CADM2: variants seen among roughly 807,000 people sequenced by gnomAD.
The protein encoded by CADM2 is immunoglobulin superfamily member 4D.
Under a neutral mutation model 49.8 loss-of-function variants are expected in CADM2, and 12 were observed. That is an observed-to-expected ratio of 0.24 (90% CI 0.15 to 0.39). The LOEUF (loss-of-function observed/expected upper bound fraction) is 0.39, where lower values mean the gene tolerates loss of function less well. CADM2 is among the 10% of genes least tolerant of loss of function. CADM2 has a pLI of 1.00. For missense variants in CADM2, 378 were observed against 492.3 expected (o/e 0.77, Z 2.20); for synonymous variants, 214 against 175.4 (o/e 1.22, Z -1.74).
intron 3 of CADM2, among the ~76,000 whole-genome samples, chr3:85,820,135 G>A (rs11127908): frequency 6.6e-6 from 1 of 151,800 alleles, no homozygotes; most frequent in East Asian, 2.0e-4. Flanking sequence ...CTCAGCCAGC[G>A]TGAGCAGACC....
chr3:85,898,411 C>A (rs1302596260), intron 5 of CADM2, among the ~76,000 whole-genome samples: 1 of 151,998 alleles, frequency 6.6e-6, no homozygotes, highest in African/African-American at 2.4e-5. Context: ...TTATTATCCC[C>A]AAAAGTTTAT....
At chr3:85,066,432 C>T (rs1282391849) in intron 1 of CADM2, among the ~76,000 whole-genome samples, 1 of 151,750 alleles carries the variant, frequency 6.6e-6, no homozygotes, top group Admixed American at 6.6e-5. Context: ...TATTCGGGAA[C>T]TATTGGGGGT....
At chr3:85,043,695 T>G (rs2107373927) in intron 1 of CADM2, among the ~76,000 whole-genome samples, 1 of 151,902 alleles carries the variant, frequency 6.6e-6, no homozygotes, top group Non-Finnish European at 1.5e-5. Flanking sequence ...AATAAATAAA[T>G]AAAAGGTCTG....
At chr3:85,569,561 C>T (rs375045115) in intron 1 of CADM2, among the ~76,000 whole-genome samples, 1 of 151,998 alleles carries the variant, frequency 6.6e-6, no homozygotes, top group Non-Finnish European at 1.5e-5. Context: ...GACCCTGTCC[C>T]CACATCTTTG....
In CADM2 at chr3:85,515,585, A is replaced by G. The variant is rs570227069; in HGVS notation, c.62-210937A>G. Among the ~76,000 whole-genome samples the G allele has an allele frequency of 1.2e-4, 17 of 142,356 alleles. 1 individual carries two copies. The East Asian group carries it at 2.0e-3, about 17-fold the overall frequency. The allele number at this position is 142,356 out of a possible 152,430, so 93.4% of individuals were successfully genotyped here. A position where few individuals can be genotyped will look rare whatever the true frequency, so the allele number is the denominator to read the frequency against. On this transcript the variant is annotated intron_variant, in intron 1 of 9. Coordinates refer to ENST00000383699, the MANE Select transcript of CADM2 (RefSeq NM_001167675.2). ...TTACAGGAGAGTGCCACCACGCCCT[A>G]CAGGAGAGTGCCACCACGCCCACTA... is the stretch of plus-strand genomic sequence containing the variant.
chr3:84,988,733 G>A (rs1385309741), intron 1 of CADM2, among the ~76,000 whole-genome samples: 1 of 151,914 alleles, frequency 6.6e-6, no homozygotes, highest in Non-Finnish European at 1.5e-5. Context: ...CAGCATGTTA[G>A]TATGCTTTAA....
intron 1 of CADM2, among the ~76,000 whole-genome samples, chr3:85,398,792 C>A (rs1222965544): frequency 6.6e-6 from 1 of 152,196 alleles, no homozygotes; most frequent in East Asian, 1.9e-4. Context: ...CTGTTGGCTG[C>A]ATAAATGTCT....
At chr3:85,548,674 A>C (rs565815798) in intron 1 of CADM2, among the ~76,000 whole-genome samples, 8 of 152,284 alleles carry the variant, frequency 5.3e-5, no homozygotes, top group Non-Finnish European at 8.8e-5. Flanking sequence ...GGTTTCAGGA[A>C]GGCAAGTCCT....
intron 1 of CADM2, among the ~76,000 whole-genome samples, chr3:85,002,808 C>T (rs1424866019): frequency 1.3e-5 from 2 of 151,976 alleles, no homozygotes; most frequent in African/African-American, 4.8e-5. Context: ...TTATTAGAGA[C>T]AGGGTCTTGC....
At chr3:85,933,755 C>T (rs1720875115) in intron 6 of CADM2, among the ~76,000 whole-genome samples, 1 of 152,046 alleles carries the variant, frequency 6.6e-6, no homozygotes. Context: ...GTCTCAGGAT[C>T]CAGACCCAGA....
chr3:86,011,269 C>T (rs1731475769), intron 8 of CADM2, among the ~76,000 whole-genome samples: 1 of 152,012 alleles, frequency 6.6e-6, no homozygotes, highest in Non-Finnish European at 1.5e-5. Context: ...CAATCATATA[C>T]TAAAAGAATC....
intron 1 of CADM2, among the ~76,000 whole-genome samples, chr3:85,498,514 A>C (rs1328685286): frequency 6.6e-6 from 1 of 152,186 alleles, no homozygotes; most frequent in Non-Finnish European, 1.5e-5. Flanking sequence ...TGTGAACTCG[A>C]GATTGCATCT....
At chr3:85,428,071 A>C (rs770801769) in intron 1 of CADM2, among the ~76,000 whole-genome samples, 55 of 151,894 alleles carry the variant, frequency 3.6e-4, no homozygotes, top group Non-Finnish European at 7.4e-4. Flanking sequence ...ATGACTACTA[A>C]GTCATCTTGT....
intron 3 of CADM2, among the ~76,000 whole-genome samples, chr3:85,831,618 A>G (rs11914525): frequency 0.4 from 60,336 of 151,700 alleles, 12,295 homozygotes; most frequent in East Asian, 0.57. Flanking sequence ...TTTTGGCCCC[A>G]TGTATGTCTT....
chr3:85,514,199 A>G lies in CADM2; in HGVS notation c.62-212323A>G, dbSNP rs761296912. On this transcript the variant is annotated intron_variant, in intron 1 of 9. Transcript: ENST00000383699. ...AACTATCAGAATGATGTGCTTTTCT[A>G]TGTTCGTCATTGTATTTTAAACCTG... Among the ~76,000 whole-genome samples the G allele has an allele frequency of 4.6e-5, 7 of 152,150 alleles. No individual in the cohort carries two copies. The South Asian group carries it at 1.0e-3, about 23-fold the overall frequency.
intron 8 of CADM2, among the ~76,000 whole-genome samples, chr3:85,961,959 CAG>C (rs1297033767): frequency 3.3e-5 from 5 of 151,304 alleles, no homozygotes; most frequent in African/African-American, 1.2e-4. Flanking sequence ...TTTTTGGAGA[CAG>C]AGTCTTGCTC....
intron 8 of CADM2, among the ~76,000 whole-genome samples, chr3:86,037,924 C>T (rs912152828): frequency 6.6e-6 from 1 of 151,976 alleles, no homozygotes; most frequent in Non-Finnish European, 1.5e-5. Context: ...TTTGCTGCAC[C>T]CATCACTTAG....
At chr3:85,481,180 G>A (rs1253815900) in intron 1 of CADM2, among the ~76,000 whole-genome samples, 1 of 149,388 alleles carries the variant, frequency 6.7e-6, no homozygotes, top group African/African-American at 2.4e-5. Flanking sequence ...TCTTTGAAAT[G>A]ACCATTATAC....
intron 1 of CADM2, among the ~76,000 whole-genome samples, chr3:85,641,674 C>T (rs1438665084): frequency 6.6e-6 from 1 of 151,960 alleles, no homozygotes; most frequent in Non-Finnish European, 1.5e-5. Flanking sequence ...TGCCTGTAAT[C>T]CCAGCACTTT....
Sources: gnomAD v4.1 joint callset for allele counts (sites outside exome capture counted in the v4.1 genomes callset) on GRCh38, gnomAD v4.1.1 for gene constraint, MANE v1.5 for transcripts, NCBI Gene and HGNC (gene_info 2026-07-23, HGNC 2026-07-21) for gene names.